GSDMC: variants seen among roughly 807,000 people sequenced by gnomAD.
GSDMC encodes gasdermin-C.
Under a neutral mutation model 58.0 loss-of-function variants are expected in GSDMC, and 59 were observed. The observed-to-expected ratio is 1.02, with a 90% CI of 0.82 to 1.26. The LOEUF is 1.26. Ranked by LOEUF, GSDMC falls within the 50% of genes most tolerant of loss-of-function variation. The pLI, the probability that GSDMC is intolerant of heterozygous loss-of-function variation, is 0.00. For missense variants in GSDMC, 659 were observed against 598.5 expected, an observed-to-expected ratio of 1.10 and a Z score of -1.06; for synonymous variants, 241 against 220.2, an observed-to-expected ratio of 1.09 and a Z score of -0.83.
chr8:129,777,324 C>G (rs1465729276), intron 2 of GSDMC, 44 bp downstream of exon 2: 2 of 1,189,736 alleles, frequency 1.7e-6, no homozygotes, highest in East Asian at 2.3e-5. Flanking sequence ...TCTGACCACA[C>G]ATGTTTTTCA....
chr8:129,783,283 G>T (rs2034468310), intron 1 of GSDMC, among the ~76,000 whole-genome samples: 1 of 151,824 alleles, frequency 6.6e-6, no homozygotes, highest in African/African-American at 2.4e-5. Context: ...CATCCAAATT[G>T]GAAAGGAAGA....
chr8:129,745,498 A>G (rs1470707834), downstream of GSDMC, among the ~76,000 whole-genome samples: 1 of 146,574 alleles, frequency 6.8e-6, no homozygotes. Context: ...TCTTCAACTC[A>G]GGCATCTTCC....
downstream of GSDMC, among the ~76,000 whole-genome samples, chr8:129,745,733 A>G: frequency 6.6e-6 from 1 of 151,830 alleles, no homozygotes; most frequent in African/African-American, 2.4e-5. Flanking sequence ...AGGGAAAACA[A>G]GAGCACTACT....
chr8:129,725,980 A>G, the GSDMC span, among the ~76,000 whole-genome samples: 3 of 152,188 alleles, frequency 2.0e-5, no homozygotes, highest in Non-Finnish European at 4.4e-5. Context: ...CAAGATTCCA[A>G]TGTTTTGAAA....
At chr8:129,773,002 T>G (rs948216617) in intron 3 of GSDMC, among the ~76,000 whole-genome samples, 2 of 152,158 alleles carry the variant, frequency 1.3e-5, no homozygotes, top group African/African-American at 4.8e-5. Context: ...ATTAACATAA[T>G]CGAGGACAAA....
At chr8:129,750,211 G>A in intron 11 of GSDMC, 92 bp from the exon 12 acceptor site, 1 of 1,140,100 alleles carries the variant, frequency 8.8e-7, no homozygotes, top group Non-Finnish European at 1.2e-6. Flanking sequence ...CCAAGGGGTA[G>A]GCATGAGGGT....
At chr8:129,751,456 T>C in intron 10 of GSDMC, 86 bp downstream of exon 10, 4 of 1,111,898 alleles carry the variant, frequency 3.6e-6, no homozygotes, top group South Asian at 1.4e-5. Context: ...CCTCAGTTTC[T>C]GACTTGCATA....
At chr8:129,734,127 A>C in the GSDMC span, among the ~76,000 whole-genome samples, 28 of 152,244 alleles carry the variant, frequency 1.8e-4, no homozygotes, top group African/African-American at 6.8e-4. Flanking sequence ...GTTTAGAGAA[A>C]AAAAGTAAAA....
intron 1 of GSDMC, among the ~76,000 whole-genome samples, chr8:129,780,138 A>G (rs1338691978): frequency 6.6e-6 from 1 of 152,152 alleles, no homozygotes; most frequent in East Asian, 1.9e-4. Flanking sequence ...TAGCCTCAAA[A>G]GGGCAATAGA....
At chr8:129,764,932 G>T (rs943832286) in intron 4 of GSDMC, among the ~76,000 whole-genome samples, 6 of 152,046 alleles carry the variant, frequency 3.9e-5, no homozygotes, top group African/African-American at 1.5e-4. Flanking sequence ...GTTACCATTT[G>T]TCCACTTTTT....
chr8:129,733,437 G>T, the GSDMC span, among the ~76,000 whole-genome samples: 5 of 152,128 alleles, frequency 3.3e-5, no homozygotes, highest in Admixed American at 3.3e-4. Flanking sequence ...TCATACAGGC[G>T]GATGCCCCTC....
intron 6 of GSDMC, among the ~76,000 whole-genome samples, chr8:129,759,548 C>A (rs1335737274): frequency 6.6e-6 from 1 of 152,036 alleles, no homozygotes; most frequent in Non-Finnish European, 1.5e-5. Flanking sequence ...TGAAAATGGG[C>A]AAAAGATGTG....
In GSDMC at chr8:129,778,860, G is replaced by A. The variant is rs545647513; in HGVS notation, c.-4-1269C>T. Among the ~76,000 whole-genome samples, 6 of 149,592 alleles carry A rather than the reference G, an allele frequency of 4.0e-5. No homozygotes were observed. In the South Asian group the frequency reaches 1.1e-3, roughly 26 times the overall value. On this transcript the variant is annotated intron_variant, in intron 1 of 13. Coordinates refer to ENST00000276708, the MANE Select transcript of GSDMC (RefSeq NM_031415.3). ...GGCCAACAATCGTATAAAAAAAAAAGCTCAACACCACTGATCATTAGAGAA... is the reference window on the plus strand; with the variant it reads ...GGCCAACAATCGTATAAAAAAAAAAACTCAACACCACTGATCATTAGAGAA...
the GSDMC span, among the ~76,000 whole-genome samples, chr8:129,718,108 C>T: frequency 6.6e-6 from 1 of 152,026 alleles, no homozygotes; most frequent in Non-Finnish European, 1.5e-5. Context: ...AAGACATAGG[C>T]ATGGGCAAAG....
intron 3 of GSDMC, among the ~76,000 whole-genome samples, chr8:129,766,917 G>A (rs190723895): frequency 5.9e-5 from 9 of 152,228 alleles, no homozygotes; most frequent in East Asian, 1.9e-4. Context: ...GACCACCTGC[G>A]GTCACCTAGA....
At chr8:129,708,065 C>T in the GSDMC span, among the ~76,000 whole-genome samples, 1 of 152,216 alleles carries the variant, frequency 6.6e-6, no homozygotes, top group East Asian at 1.9e-4. Flanking sequence ...GACACCCATA[C>T]TGTGCATCTC....
chr8:129,727,787 A>G, the GSDMC span, among the ~76,000 whole-genome samples: 1 of 152,198 alleles, frequency 6.6e-6, no homozygotes, highest in East Asian at 1.9e-4. Flanking sequence ...GAGCCTCCAC[A>G]GTCAGAACTG....
At chr8:129,773,539 C>T (rs1046901575) in intron 3 of GSDMC, among the ~76,000 whole-genome samples, 2 of 152,102 alleles carry the variant, frequency 1.3e-5, no homozygotes, top group African/African-American at 4.8e-5. Context: ...AATTCCAGCT[C>T]TTTGGGAGGC....
chr8:129,765,298 T>C (rs2033816095), intron 4 of GSDMC, among the ~76,000 whole-genome samples: 1 of 151,990 alleles, frequency 6.6e-6, no homozygotes, highest in Admixed American at 6.6e-5. Flanking sequence ...GCCATAAAAC[T>C]AGACTGTATA....
Sources: gnomAD v4.1 joint callset for allele counts (sites outside exome capture counted in the v4.1 genomes callset) on GRCh38, gnomAD v4.1.1 for gene constraint, MANE v1.5 for transcripts, NCBI Gene and HGNC (gene_info 2026-07-23, HGNC 2026-07-21) for gene names.